The following SPAG16 variants were observed in gnomAD, a reference collection of about 807,000 sequenced individuals.
The protein encoded by SPAG16 is sperm associated antigen 16.
SPAG16 carries 86 observed loss-of-function variants against 80.4 expected under a neutral mutation model. The observed-to-expected ratio is 1.07, with a 90% CI of 0.90 to 1.28. The LOEUF is 1.28. Among genes scored for constraint, SPAG16 ranks in the 50% most tolerant of loss-of-function variants. The pLI is 0.00. For synonymous variants in SPAG16, 294 were observed against 265.9 expected, an observed-to-expected ratio of 1.11 and a Z score of -1.03; for missense variants, 870 against 765.3, an observed-to-expected ratio of 1.14 and a Z score of -1.61.
intron 10 of SPAG16, among the ~76,000 whole-genome samples, chr2:213,505,413 A>T (rs1454887685): frequency 6.6e-6 from 1 of 152,164 alleles, no homozygotes; most frequent in Non-Finnish European, 1.5e-5. Flanking sequence ...ACTCTACCAT[A>T]CAAATGTATG....
At chr2:214,149,303 A>G (rs1250195097) in intron 15 of SPAG16, 37 bp downstream of exon 15, 6 of 1,449,696 alleles carry the variant, frequency 4.1e-6, no homozygotes, top group Non-Finnish European at 5.5e-6. Context: ...TGACTAAGCC[A>G]ATAACATTAA....
In SPAG16 at chr2:214,272,496, G is replaced by A. The variant is rs187938727; in HGVS notation, c.1720+123230G>A. On this transcript the variant is annotated intron_variant, in intron 15 of 15. Transcript: ENST00000331683. ...GTGTGTGATGTTCCCCTGTGTCCAA[G>A]TGTTCTCATTGTTCAATTCCCACCT... 5.1e-3 allele frequency among the ~76,000 whole-genome samples: 774 copies of A among 152,144 alleles called. 5 individuals are homozygous for A. Among genetic ancestry groups the A allele is most frequent in the African/African-American group, 0.017 (723 of 41,482 alleles).
rs193174222 is a variant in SPAG16, at chr2:213,894,731, C to T, written c.1214+32103C>T. ...GACGGCCTGGCGCAGTGGCTCACAC[C>T]TGTAATCCCAGCATTTTGGGAGGCT... On this transcript the variant is annotated intron_variant, in intron 11 of 15. Coordinates refer to ENST00000331683, the MANE Select transcript of SPAG16 (RefSeq NM_024532.5). 2.0e-5 allele frequency among the ~76,000 whole-genome samples: 3 copies of T among 152,228 alleles called. No individual in the cohort carries two copies. In the East Asian group the frequency reaches 5.8e-4, roughly 29 times the overall value.
intron 11 of SPAG16, among the ~76,000 whole-genome samples, chr2:213,928,244 C>T (rs903438929): frequency 1.4e-5 from 2 of 147,466 alleles, no homozygotes; most frequent in African/African-American, 4.9e-5. Context: ...GCCACCATGC[C>T]TGGCTAATTT....
chr2:213,875,372 C>T (rs1283095139), intron 11 of SPAG16, among the ~76,000 whole-genome samples: 1 of 151,840 alleles, frequency 6.6e-6, no homozygotes, highest in Admixed American at 6.6e-5. Flanking sequence ...AGAGATGAGC[C>T]AAAACAGAAT....
intron 10 of SPAG16, among the ~76,000 whole-genome samples, chr2:213,616,577 CAA>C (rs1338278656): frequency 6.6e-6 from 1 of 152,154 alleles, no homozygotes; most frequent in Non-Finnish European, 1.5e-5. Flanking sequence ...TACTTTTTCT[CAA>C]AATATGATCT....
chr2:213,459,602 G>T (rs1231579374), intron 9 of SPAG16, among the ~76,000 whole-genome samples: 1 of 152,140 alleles, frequency 6.6e-6, no homozygotes, highest in Admixed American at 6.6e-5. Flanking sequence ...CCATTTCTTG[G>T]AAGGTCTTCA....
At chr2:214,393,556 A>G (rs1171616828) in intron 15 of SPAG16, among the ~76,000 whole-genome samples, 1 of 150,940 alleles carries the variant, frequency 6.6e-6, no homozygotes, top group Non-Finnish European at 1.5e-5. Context: ...ATATAATTAT[A>G]TAAAATATAA....
At chr2:214,087,358 A>T (rs906917772) in intron 13 of SPAG16, among the ~76,000 whole-genome samples, 3 of 152,156 alleles carry the variant, frequency 2.0e-5, no homozygotes, top group African/African-American at 7.2e-5. Context: ...TTTTACCCCT[A>T]CTTAACATGA....
At chr2:214,177,923 A>G (rs918364602) in intron 15 of SPAG16, among the ~76,000 whole-genome samples, 3 of 133,164 alleles carry the variant, frequency 2.3e-5, no homozygotes, top group African/African-American at 8.5e-5. Context: ...ATACATATAT[A>G]TATATATATA....
chr2:213,572,670 A>G (rs2059957949), intron 10 of SPAG16, among the ~76,000 whole-genome samples: 1 of 152,030 alleles, frequency 6.6e-6, no homozygotes. Flanking sequence ...TTAAGTCTGC[A>G]GAGGTTACTG....
chr2:214,112,512 A>G (rs2053718546), intron 14 of SPAG16, among the ~76,000 whole-genome samples: 1 of 152,062 alleles, frequency 6.6e-6, no homozygotes, highest in Admixed American at 6.6e-5. Context: ...GGGTGCATAT[A>G]TATTTAGGAT....
At position 213,504,311 on chromosome 2, in the gene SPAG16, A is replaced by T. The variant is rs2074872805; in HGVS notation, c.1070+14221A>T. Among the ~76,000 whole-genome samples the T allele has an allele frequency of 4.6e-5, 7 of 152,240 alleles. No individual in the cohort carries two copies. In the South Asian group the frequency reaches 1.5e-3, roughly 32 times the overall value. ...AAGGAAGAAAAAGAAAGAGGGTGAT[A>T]TTTAAAACCTGGGTCCCTGGTTATG... On this transcript the variant is annotated intron_variant, in intron 10 of 15. Transcript: ENST00000331683.
At chr2:214,396,509 T>C (rs976125480) in intron 15 of SPAG16, among the ~76,000 whole-genome samples, 2 of 152,156 alleles carry the variant, frequency 1.3e-5, no homozygotes, top group African/African-American at 4.8e-5. Flanking sequence ...TTTCCAAGCA[T>C]ACATAAAAGT....
intron 10 of SPAG16, among the ~76,000 whole-genome samples, chr2:213,822,206 C>G (rs1222486012): frequency 6.6e-6 from 1 of 152,164 alleles, no homozygotes; most frequent in African/African-American, 2.4e-5. Context: ...TCCTTGCCAC[C>G]ATTTGTTATT....
At chr2:213,548,881 G>A (rs1234074329) in intron 10 of SPAG16, among the ~76,000 whole-genome samples, 1 of 151,968 alleles carries the variant, frequency 6.6e-6, no homozygotes, top group African/African-American at 2.4e-5. Flanking sequence ...GGCTACTCCC[G>A]TGTTTGATAG....
chr2:214,291,495 C>T (rs1450054679), intron 15 of SPAG16, among the ~76,000 whole-genome samples: 2 of 150,774 alleles, frequency 1.3e-5, no homozygotes, highest in Non-Finnish European at 3.0e-5. Context: ...TTAGTAGAGA[C>T]GGGGTTTCAC....
At chr2:214,187,217 C>CAA (rs1201893706) in intron 15 of SPAG16, among the ~76,000 whole-genome samples, 1 of 152,106 alleles carries the variant, frequency 6.6e-6, no homozygotes, top group African/African-American at 2.4e-5. Context: ...CCCACACACA[C>CAA]ACACACACAA....
At chr2:214,366,626 A>G (rs1699499312) in intron 15 of SPAG16, among the ~76,000 whole-genome samples, 2 of 152,168 alleles carry the variant, frequency 1.3e-5, no homozygotes, top group Admixed American at 1.3e-4. Context: ...TCTGTGCATT[A>G]TATCATTTAT....
Sources: allele counts gnomAD v4.1 joint callset (sites outside exome capture counted in the v4.1 genomes callset), GRCh38; gene constraint gnomAD v4.1.1; transcripts MANE v1.5; gene names NCBI Gene and HGNC (gene_info 2026-07-23, HGNC 2026-07-21).